The following STON2 variants were observed in gnomAD, a reference collection of about 807,000 sequenced individuals.
STON2 encodes the protein stonin-2.
A neutral mutation model predicts 65.7 loss-of-function variants in STON2; 29 were observed. The observed-to-expected ratio is 0.44, with a 90% CI of 0.33 to 0.60. The LOEUF (loss-of-function observed/expected upper bound fraction) is 0.60, where lower values mean the gene tolerates loss of function less well. STON2 is among the 20% of genes least tolerant of loss of function. The probability of loss-of-function intolerance (pLI) is 0.03; values close to 1 mark genes in which losing one functional copy is unlikely to be tolerated. For synonymous variants in STON2, 404 were observed against 414.2 expected (o/e 0.98, Z 0.30); for missense variants, 1,054 against 1,118.1 (o/e 0.94, Z 0.82).
At chr14:81,280,768 T>C (rs1012426153) in intron 5 of STON2, among the ~76,000 whole-genome samples, 1 of 152,124 alleles carries the variant, frequency 6.6e-6, no homozygotes, top group Non-Finnish European at 1.5e-5. Flanking sequence ...CGCAGCACTT[T>C]GGGAGGCCGG....
At chr14:81,390,264 G>T (rs963023882) in intron 3 of STON2, among the ~76,000 whole-genome samples, 1 of 152,148 alleles carries the variant, frequency 6.6e-6, no homozygotes, top group Non-Finnish European at 1.5e-5. Context: ...GCAAGAGATG[G>T]TAATCACAGC....
chr14:81,279,164 TGTAA>T (rs147484566), intron 5 of STON2, among the ~76,000 whole-genome samples: 1,544 of 152,262 alleles, frequency 0.01, 30 homozygotes, highest in African/African-American at 0.036. Context: ...AGTTATCGTC[TGTAA>T]GTGATAATAT....
chr14:81,364,701 A>G (rs1898642458), intron 4 of STON2, among the ~76,000 whole-genome samples: 1 of 152,182 alleles, frequency 6.6e-6, no homozygotes, highest in African/African-American at 2.4e-5. Flanking sequence ...ATAAGCGAAT[A>G]CATGTTATAA....
chr14:81,306,234 T>A lies in STON2; in HGVS notation c.742+17783A>T, dbSNP rs866765323. 3.8e-3 allele frequency among the ~76,000 whole-genome samples: 424 copies of A among 111,504 alleles called. 10 individuals are homozygous for A. The highest frequency in any genetic ancestry group is 0.013 in the African/African-American group (394 of 30,418). The allele number at this position is 111,504 out of a possible 152,430, so 73.2% of individuals were successfully genotyped here. ...ACATACATACTCTTTTTTTTTTTTT[T>A]TTTTTTTTTTTTTGAGATGGAGTTT... On this transcript the variant is annotated intron_variant, in intron 5 of 7. Transcript: ENST00000614646.
intron 5 of STON2, among the ~76,000 whole-genome samples, chr14:81,281,388 C>T (rs1311379821): frequency 6.6e-6 from 1 of 152,180 alleles, no homozygotes; most frequent in East Asian, 1.9e-4. Flanking sequence ...GTCTAGAGAA[C>T]TGGGAAAGGG....
chr14:81,309,682 G>C (rs7155930), intron 5 of STON2, among the ~76,000 whole-genome samples: 119,734 of 152,064 alleles, frequency 0.79, 47,286 homozygotes, highest in African/African-American at 0.8. Context: ...ATGTATCTAA[G>C]GGACAGGGTT....
At chr14:81,342,187 T>G (rs1416586346) in intron 4 of STON2, among the ~76,000 whole-genome samples, 1 of 151,930 alleles carries the variant, frequency 6.6e-6, no homozygotes, top group Non-Finnish European at 1.5e-5. Flanking sequence ...GTTGCCCGGG[T>G]GCCATGGTGA....
intron 5 of STON2, among the ~76,000 whole-genome samples, chr14:81,301,619 T>C (rs945762884): frequency 1.3e-5 from 2 of 152,168 alleles, no homozygotes; most frequent in African/African-American, 4.8e-5. Flanking sequence ...TCTGAAGACA[T>C]TGAGACAGAG....
At chr14:81,320,319 A>G (rs560864625) in intron 5 of STON2, among the ~76,000 whole-genome samples, 28 of 143,274 alleles carry the variant, frequency 2.0e-4, no homozygotes, top group Admixed American at 3.1e-4. Context: ...TAAAGTAAGT[A>G]AAAAGGCCAA....
At chr14:81,307,289 C>T (rs557506601) in intron 5 of STON2, among the ~76,000 whole-genome samples, 125 of 152,320 alleles carry the variant, frequency 8.2e-4, no homozygotes, top group Non-Finnish European at 1.5e-3. Flanking sequence ...CATTTCAGAA[C>T]GGTCAGTGTT....
intron 5 of STON2, among the ~76,000 whole-genome samples, chr14:81,317,111 GC>G (rs1474936314): frequency 6.6e-6 from 1 of 152,222 alleles, no homozygotes; most frequent in East Asian, 1.9e-4. Context: ...TTTTGGTGAG[GC>G]CTCAGGAGGC....
chr14:81,412,909 ATGCTTAGCACCTCCCCAGGAGACCGT>A (rs1901232752), intron 2 of STON2: 2 of 630,114 alleles, frequency 3.2e-6, no homozygotes, highest in East Asian at 7.5e-5. Context: ...CAGCCGGGCG[ATGCTTAGCACCTCCCCAGGAGACCGT>A]TGCAGTCAGC....
At chr14:81,286,879 G>C (rs1895352541) in intron 5 of STON2, among the ~76,000 whole-genome samples, 1 of 152,190 alleles carries the variant, frequency 6.6e-6, no homozygotes, top group African/African-American at 2.4e-5. Flanking sequence ...GAGATCAGAA[G>C]TCAAGTCCTG....
At chr14:81,413,422 A>C (rs1406853871) in intron 2 of STON2, among the ~76,000 whole-genome samples, 2 of 140,652 alleles carry the variant, frequency 1.4e-5, no homozygotes, top group Non-Finnish European at 3.0e-5. Context: ...ACAATTAGCA[A>C]AATAGCCTAC....
intron 5 of STON2, among the ~76,000 whole-genome samples, chr14:81,291,762 T>C (rs902291124): frequency 6.6e-6 from 1 of 151,870 alleles, no homozygotes; most frequent in Non-Finnish European, 1.5e-5. Flanking sequence ...ATTCTAAATA[T>C]ATTAGAGGAT....
At chr14:81,426,323 T>A (rs1192305247) in intron 2 of STON2, among the ~76,000 whole-genome samples, 1 of 152,166 alleles carries the variant, frequency 6.6e-6, no homozygotes, top group African/African-American at 2.4e-5. Context: ...ACTGGCAAAG[T>A]GAAGAAAAGC....
chr14:81,336,108 A>G (rs558740018), intron 4 of STON2, among the ~76,000 whole-genome samples: 2 of 152,334 alleles, frequency 1.3e-5, no homozygotes, highest in East Asian at 1.9e-4. Flanking sequence ...AGGCTGAGTC[A>G]GAAGGCAAGT....
intron 5 of STON2, among the ~76,000 whole-genome samples, chr14:81,316,060 A>G (rs1262891848): frequency 6.6e-6 from 1 of 152,212 alleles, no homozygotes; most frequent in Non-Finnish European, 1.5e-5. Flanking sequence ...CAATCATATC[A>G]TGCCTCCTAC....
In STON2 at chr14:81,262,598, T is replaced by G; in HGVS notation, c.*5816A>C. ...TTTTAGTCTATTCTCTTGTAGCTTT[T>G]GTTACATCCAATGATCATTTGCCTC... On this transcript the variant is annotated 3_prime_UTR_variant, in exon 8 of 8. Coordinates refer to ENST00000614646, the MANE Select transcript of STON2 (RefSeq NM_001394390.1). 1.0e-6 allele frequency: 1 copy of G among 985,466 alleles called. No individual in the cohort carries two copies. Among genetic ancestry groups the G allele is most frequent in the Non-Finnish European group, 1.2e-6 (1 of 829,910 alleles). The allele number at this position is 985,466 out of a possible 1,614,324, so 61.0% of individuals were successfully genotyped here.
Sources: allele counts gnomAD v4.1 joint callset (sites outside exome capture counted in the v4.1 genomes callset), GRCh38; gene constraint gnomAD v4.1.1; transcripts MANE v1.5; gene names NCBI Gene and HGNC (gene_info 2026-07-23, HGNC 2026-07-21).